The following LYRM4 variants were observed in gnomAD, a reference collection of about 807,000 sequenced individuals.
LYRM4 encodes LYR motif containing 4.
Under a neutral mutation model 11.7 loss-of-function variants are expected in LYRM4, and 9 were observed. The observed-to-expected ratio is 0.77, with a 90% CI of 0.46 to 1.34. The LOEUF is 1.34. LYRM4 is among the 40% of genes most tolerant of loss of function. The pLI, the probability that LYRM4 is intolerant of heterozygous loss-of-function variation, is 0.00. For synonymous variants in LYRM4, 42 were observed against 40.4 expected (o/e 1.04, Z -0.15); for missense variants, 133 against 112.5 (o/e 1.18, Z -0.82).
At chr6:5,147,776 G>A (rs1023260221) in intron 2 of LYRM4, among the ~76,000 whole-genome samples, 2 of 111,676 alleles carry the variant, frequency 1.8e-5, no homozygotes, top group Non-Finnish European at 4.0e-5. Flanking sequence ...CGTGGTCCAC[G>A]GCAGGGTGAA....
chr6:5,148,694 G>T (rs1230611501), intron 2 of LYRM4, among the ~76,000 whole-genome samples: 1 of 152,096 alleles, frequency 6.6e-6, no homozygotes, highest in Non-Finnish European at 1.5e-5. Context: ...TGCTTATAGT[G>T]ACTGAGAAAT....
intron 1 of LYRM4, among the ~76,000 whole-genome samples, chr6:5,233,203 T>G (rs1392181264): frequency 6.6e-6 from 1 of 152,068 alleles, no homozygotes; most frequent in African/African-American, 2.4e-5. Flanking sequence ...GCAAAAAAAA[T>G]GAGTGACTTG....
At chr6:5,035,042 A>G in the LYRM4 span, among the ~76,000 whole-genome samples, 2 of 152,096 alleles carry the variant, frequency 1.3e-5, no homozygotes, top group East Asian at 1.9e-4. Flanking sequence ...TGCGTGTTCT[A>G]CTAGGATGTT....
intron 1 of LYRM4, among the ~76,000 whole-genome samples, chr6:5,237,957 C>T (rs1763648254): frequency 6.6e-6 from 1 of 152,152 alleles, no homozygotes; most frequent in Admixed American, 6.5e-5. Flanking sequence ...GTATCACAGA[C>T]ACTCTGACTC....
intron 2 of LYRM4, among the ~76,000 whole-genome samples, chr6:5,177,901 T>C (rs1759813802): frequency 6.6e-6 from 1 of 152,166 alleles, no homozygotes; most frequent in Non-Finnish European, 1.5e-5. Context: ...CACTGCCAAC[T>C]TGGGGGATAA....
At chr6:5,142,455 C>A (rs1757459910) in intron 2 of LYRM4, among the ~76,000 whole-genome samples, 1 of 152,144 alleles carries the variant, frequency 6.6e-6, no homozygotes, top group Admixed American at 6.5e-5. Flanking sequence ...AACACAAGCC[C>A]CCCTCGCCAT....
chr6:5,184,143 T>C (rs560047585), intron 2 of LYRM4, among the ~76,000 whole-genome samples: 1 of 152,348 alleles, frequency 6.6e-6, no homozygotes, highest in East Asian at 1.9e-4. Flanking sequence ...TCCATTTTCT[T>C]ATCTTCAGAC....
chr6:5,154,074 A>C (rs1758245365), intron 2 of LYRM4, among the ~76,000 whole-genome samples: 1 of 152,184 alleles, frequency 6.6e-6, no homozygotes, highest in African/African-American at 2.4e-5. Context: ...GTCAACCAAG[A>C]AAAAAACCCT....
chr6:5,218,032 A>G (rs1343280539), intron 1 of LYRM4, among the ~76,000 whole-genome samples: 1 of 151,848 alleles, frequency 6.6e-6, no homozygotes, highest in Non-Finnish European at 1.5e-5. Context: ...CTCAGCCTCC[A>G]AAGTGGCCAG....
intron 2 of LYRM4, among the ~76,000 whole-genome samples, chr6:5,172,883 CA>C (rs1759511020): frequency 6.6e-6 from 1 of 152,098 alleles, no homozygotes; most frequent in Non-Finnish European, 1.5e-5. Context: ...GGCTAGCAGC[CA>C]GTTACATTCT....
At chr6:5,187,603 G>A (rs893104544) in intron 2 of LYRM4, among the ~76,000 whole-genome samples, 9 of 152,072 alleles carry the variant, frequency 5.9e-5, no homozygotes, top group Admixed American at 2.0e-4. Flanking sequence ...GGGGCCTGTC[G>A]GGGGGTTGGG....
intron 2 of LYRM4, among the ~76,000 whole-genome samples, chr6:5,179,409 C>A (rs1759942087): frequency 6.6e-6 from 1 of 152,166 alleles, no homozygotes; most frequent in South Asian, 2.1e-4. Context: ...ACTCTCCATT[C>A]TCATCCCTCA....
At chr6:5,188,930 T>C (rs987468882) in intron 2 of LYRM4, among the ~76,000 whole-genome samples, 16 of 152,256 alleles carry the variant, frequency 1.1e-4, no homozygotes, top group African/African-American at 3.9e-4. Flanking sequence ...TGCTAATTTT[T>C]ATATTTTTTT....
the LYRM4 span, among the ~76,000 whole-genome samples, chr6:5,097,182 G>C: frequency 6.6e-6 from 1 of 152,262 alleles, no homozygotes. Context: ...AGGTGACGCA[G>C]AGCGTCACAT....
the LYRM4 span, among the ~76,000 whole-genome samples, chr6:5,074,622 C>CT: frequency 0.012 from 1,718 of 138,228 alleles, 17 homozygotes; most frequent in Non-Finnish European, 0.021. Context: ...GCTTTTCTTT[C>CT]TTTTTTTTTT....
At chr6:5,150,662 A>G (rs1758036044) in intron 2 of LYRM4, among the ~76,000 whole-genome samples, 1 of 152,352 alleles carries the variant, frequency 6.6e-6, no homozygotes, top group South Asian at 2.1e-4. Context: ...TTCTGTGAGC[A>G]GCAGAGTGTC....
chr6:5,113,320 G>A (rs2127595456), intron 2 of LYRM4: 1 of 449,332 alleles, frequency 2.2e-6, no homozygotes, highest in Middle Eastern at 5.3e-4. Flanking sequence ...AGCTACTCAG[G>A]AGGCTGAGGC....
chr6:5,082,755 C>T, the LYRM4 span, among the ~76,000 whole-genome samples: 1 of 152,234 alleles, frequency 6.6e-6, no homozygotes, highest in South Asian at 2.1e-4. Flanking sequence ...GACGGCCTCT[C>T]ATTGCTCAAG....
the LYRM4 span, chr6:5,085,569 C>T: frequency 1.9e-6 from 3 of 1,543,378 alleles, no homozygotes; most frequent in African/African-American, 4.1e-5. Flanking sequence ...AGGAGCTGCC[C>T]GCCCCGGTGG....
Sources: gnomAD v4.1 joint callset for allele counts (sites outside exome capture counted in the v4.1 genomes callset) on GRCh38, gnomAD v4.1.1 for gene constraint, MANE v1.5 for transcripts, NCBI Gene and HGNC (gene_info 2026-07-23, HGNC 2026-07-21) for gene names.